ARHGAP24: variants seen among roughly 807,000 people sequenced by gnomAD.
ARHGAP24 encodes Rho GTPase activating protein 24, also known as rho GTPase-activating protein 24.
ARHGAP24 carries 50 observed loss-of-function variants against 76.4 expected under a neutral mutation model. The observed-to-expected ratio is 0.65, with a 90% CI of 0.52 to 0.83. ARHGAP24 has a LOEUF of 0.83. ARHGAP24 is among the 40% of genes least tolerant of loss of function. The pLI is 0.00. For synonymous variants in ARHGAP24, 345 were observed against 323.3 expected, an observed-to-expected ratio of 1.07 and a Z score of -0.72; for missense variants, 930 against 914.2, an observed-to-expected ratio of 1.02 and a Z score of -0.22.
chr4:85,908,868 A>G (rs970338638), intron 3 of ARHGAP24, among the ~76,000 whole-genome samples: 6 of 152,142 alleles, frequency 3.9e-5, no homozygotes, highest in African/African-American at 1.4e-4. Context: ...AAAGAAAAAA[A>G]AAAAGAAAGC....
At chr4:85,754,659 TC>T (rs556737890) in intron 3 of ARHGAP24, among the ~76,000 whole-genome samples, 141 of 152,324 alleles carry the variant, frequency 9.3e-4, no homozygotes, top group Middle Eastern at 3.4e-3. Context: ...AATTTTAAAT[TC>T]CAGTGAGTGA....
intron 2 of ARHGAP24, among the ~76,000 whole-genome samples, chr4:85,636,883 C>G (rs1242865227): frequency 6.6e-6 from 1 of 152,014 alleles, no homozygotes; most frequent in African/African-American, 2.4e-5. Context: ...TGAATTTGCA[C>G]TCCTGCTGTC....
intron 2 of ARHGAP24, among the ~76,000 whole-genome samples, chr4:85,587,800 G>A (rs1374745944): frequency 1.3e-5 from 2 of 152,108 alleles, no homozygotes; most frequent in Admixed American, 6.5e-5. Flanking sequence ...TTATGCATGT[G>A]ATATATCCCA....
intron 2 of ARHGAP24, among the ~76,000 whole-genome samples, chr4:85,657,781 G>T (rs1722228580): frequency 1.3e-5 from 2 of 152,200 alleles, no homozygotes; most frequent in Admixed American, 6.5e-5. Flanking sequence ...TTGAGACAGG[G>T]TCTCATTCTG....
chr4:85,683,134 G>A, intron 2 of ARHGAP24, among the ~76,000 whole-genome samples: 1 of 137,468 alleles, frequency 7.3e-6, no homozygotes, highest in Non-Finnish European at 1.6e-5. Flanking sequence ...GGGGTGCGGG[G>A]GCTGTAAAAA....
In ARHGAP24 at chr4:85,597,004, A is replaced by T. The variant is rs547848465; in HGVS notation, c.180+26283A>T. 3.3e-5 allele frequency among the ~76,000 whole-genome samples: 5 copies of T among 152,260 alleles called. No individual in the cohort carries two copies. In the South Asian group the frequency reaches 1.0e-3, roughly 32 times the overall value. ...AAAAAGAAGATATCCACATTAAAGGAACAATAAGTAACAGATTCATGCAGT... is the reference window on the plus strand; with the variant it reads ...AAAAAGAAGATATCCACATTAAAGGTACAATAAGTAACAGATTCATGCAGT... On this transcript the variant is annotated intron_variant, in intron 2 of 9. Transcript: ENST00000395184.
Position 85,994,904 on chromosome 4 carries a change from CT to C in ARHGAP24, c.1251del (p.Leu418SerfsTer15). On this transcript the variant is annotated frameshift_variant, in exon 9 of 10. Transcript: ENST00000395184. LOFTEE classifies it high-confidence loss of function. ...AAGCTAGATGTGTCTAGAAGCCCCC[CT>C]CTCATGGTCAAAAAGAACCCAGCCT... ...VHKLDVSRSP[P>X]LMVKKNPAFN... The C allele has an allele frequency of 1.2e-6, 2 of 1,614,086 alleles. No homozygotes were observed. The highest frequency in any genetic ancestry group is 1.3e-5 in the African/African-American group (1 of 75,004).
Position 85,715,839 on chromosome 4 carries a change from C to T in ARHGAP24, c.181-6046C>T, listed in dbSNP as rs558885859. 2.9e-3 allele frequency among the ~76,000 whole-genome samples: 437 copies of T among 151,972 alleles called. 2 individuals carry two copies. Among genetic ancestry groups the T allele is most frequent in the Non-Finnish European group, 4.3e-3 (291 of 67,934 alleles). On this transcript the variant is annotated intron_variant, in intron 2 of 9. Transcript: ENST00000395184. ...CTTTCTCACCTTTATGTTCTCTGTG[C>T]CTAAGACAGGGCCTCAGACTTGCTA...
chr4:85,681,015 ATG>A (rs1455620906), intron 2 of ARHGAP24, among the ~76,000 whole-genome samples: 1 of 152,118 alleles, frequency 6.6e-6, no homozygotes, highest in African/African-American at 2.4e-5. Context: ...GAATCCAGAA[ATG>A]TGTCTTGAGG....
intron 3 of ARHGAP24, among the ~76,000 whole-genome samples, chr4:85,912,857 T>A (rs1230230440): frequency 6.6e-6 from 1 of 152,194 alleles, no homozygotes; most frequent in Non-Finnish European, 1.5e-5. Context: ...AATGCTATTT[T>A]TTTTTCTTTC....
Position 85,929,568 on chromosome 4 carries a change from C to T in ARHGAP24, c.391+5798C>T, listed in dbSNP as rs141315313. Reference sequence around the variant, plus strand: ...CATGGGGGCTGGGGTGCAGAAAGTACGGGCAAGAGCATGGAAGAATGTTGA... The same window carrying T: ...CATGGGGGCTGGGGTGCAGAAAGTATGGGCAAGAGCATGGAAGAATGTTGA... On this transcript the variant is annotated intron_variant, in intron 4 of 9. Transcript: ENST00000395184. 7.2e-5 allele frequency among the ~76,000 whole-genome samples: 11 copies of T among 152,198 alleles called. No homozygotes were observed. The East Asian group carries it at 1.9e-3, about 27-fold the overall frequency.
chr4:85,878,879 G>A (rs1180536374), intron 3 of ARHGAP24, among the ~76,000 whole-genome samples: 1 of 151,950 alleles, frequency 6.6e-6, no homozygotes, highest in Non-Finnish European at 1.5e-5. Context: ...TTTCTCTTTT[G>A]GCCAAGCTTT....
rs1723314910 is a variant in ARHGAP24, at chr4:85,683,678, T to C, written c.181-38207T>C. ...TAAATTTTAAATATATAATACATTG[T>C]TGTACAGCAGATCTCTAGAGCTTTC... On this transcript the variant is annotated intron_variant, in intron 2 of 9. Coordinates refer to ENST00000395184, the MANE Select transcript of ARHGAP24 (RefSeq NM_001025616.3). Among the ~76,000 whole-genome samples the C allele has an allele frequency of 2.6e-5, 4 of 152,236 alleles. No individual in the cohort carries two copies. In the East Asian group the frequency reaches 7.7e-4, roughly 29 times the overall value.
At chr4:85,891,028 G>A (rs943862798) in intron 3 of ARHGAP24, among the ~76,000 whole-genome samples, 2 of 152,134 alleles carry the variant, frequency 1.3e-5, no homozygotes, top group Non-Finnish European at 2.9e-5. Flanking sequence ...TGAAAAGGTG[G>A]CTGTAGTGAT....
At chr4:85,817,731 A>C (rs538222240) in intron 3 of ARHGAP24, among the ~76,000 whole-genome samples, 14 of 152,218 alleles carry the variant, frequency 9.2e-5, no homozygotes, top group Admixed American at 3.3e-4. Flanking sequence ...TATTTAATAC[A>C]AAAGGTTGGT....
In ARHGAP24 at chr4:85,507,663, C is replaced by T. The variant is rs193258025; in HGVS notation, c.-21+32104C>T. On this transcript the variant is annotated intron_variant, in intron 1 of 9. Transcript: ENST00000395184. ...TCTGACCTAAAAATAGTGAAAATGA[C>T]TCCTCACTTCTTCACCGGGTTGTGG... Among the ~76,000 whole-genome samples, 341 of 152,272 alleles carry T rather than the reference C, an allele frequency of 2.2e-3. 7 individuals carry two copies. Among genetic ancestry groups the T allele is most frequent in the Admixed American group, 0.021 (317 of 15,294 alleles).
At position 85,923,584 on chromosome 4, in the gene ARHGAP24, T is replaced by C. The variant is rs916874556; in HGVS notation, c.269-64T>C. On this transcript the variant is annotated intron_variant, in intron 3 of 9. Coordinates refer to ENST00000395184, the MANE Select transcript of ARHGAP24 (RefSeq NM_001025616.3). ...ACAGTCTCTGTTTCAGGGGTTCTTCTGGAGGCTGATCATGAGGAATCTCTG... is the reference window on the plus strand; with the variant it reads ...ACAGTCTCTGTTTCAGGGGTTCTTCCGGAGGCTGATCATGAGGAATCTCTG... 5 of 1,608,674 alleles carry C rather than the reference T, an allele frequency of 3.1e-6. No homozygotes were observed. The East Asian group carries it at 1.1e-4, about 36-fold the overall frequency.
chr4:85,612,154 C>A (rs1476535127), intron 2 of ARHGAP24, among the ~76,000 whole-genome samples: 2 of 151,676 alleles, frequency 1.3e-5, no homozygotes, highest in Non-Finnish European at 2.9e-5. Context: ...CGCGGTGGCT[C>A]ATGCCTGTAA....
At chr4:85,628,639 C>T (rs1443416268) in intron 2 of ARHGAP24, among the ~76,000 whole-genome samples, 1 of 152,164 alleles carries the variant, frequency 6.6e-6, no homozygotes, top group Non-Finnish European at 1.5e-5. Context: ...CTATTTATCT[C>T]TTCAGTTCTC....
Sources: allele counts gnomAD v4.1 joint callset (sites outside exome capture counted in the v4.1 genomes callset), GRCh38; gene constraint gnomAD v4.1.1; transcripts MANE v1.5; gene names NCBI Gene and HGNC (gene_info 2026-07-23, HGNC 2026-07-21).